Variants in TUT1 observed in about 807,000 individuals in gnomAD.
TUT1 encodes the protein terminal uridylyl transferase 1, U6 snRNA-specific, also known as speckle targeted PIP5K1A-regulated poly(A) polymerase.
Under a neutral mutation model 48.8 loss-of-function variants are expected in TUT1, and 26 were observed. That is an observed-to-expected ratio of 0.53 (90% CI 0.39 to 0.74). The LOEUF (loss-of-function observed/expected upper bound fraction) is 0.74, where lower values mean the gene tolerates loss of function less well. Ranked by LOEUF, TUT1 falls within the 30% of genes least tolerant of loss-of-function variation. The pLI is 0.00. For missense variants in TUT1, 1,065 were observed against 1,114.8 expected, an observed-to-expected ratio of 0.96 and a Z score of 0.64; for synonymous variants, 470 against 460.8, an observed-to-expected ratio of 1.02 and a Z score of -0.26.
At position 62,577,290 on chromosome 11, in the gene TUT1, G is replaced by A; in HGVS notation, c.1162C>T (p.Leu388=). Residue 388 remains leucine, a splice_region_variant and synonymous_variant, in exon 6 of 9, where the codon CTG becomes TTG. Coordinates refer to ENST00000476907, the MANE Select transcript of TUT1 (RefSeq NM_022830.3). The part of the protein sequence containing the change: ...LHGDVSLSNR[L]ALHNSRFLSL... ...AGGAAACGGGAGTTATGCAGGGCCA[G>A]CCTGGGACAAAGCAGGGACAAGGGT... 2.5e-6 allele frequency: 4 copies of A among 1,611,616 alleles called. No individual in the cohort carries two copies. Among genetic ancestry groups the A allele is most frequent in the Non-Finnish European group, 3.4e-6 (4 of 1,179,166 alleles).
intron 1 of TUT1, 56 bp downstream of exon 1, chr11:62,591,348 G>GTA: frequency 6.7e-7 from 1 of 1,497,322 alleles, no homozygotes; most frequent in Non-Finnish European, 8.9e-7. Flanking sequence ...CTTTCGCCAG[G>GTA]ATCAAAAGAC....
chr11:62,581,130 A>C lies in TUT1; in HGVS notation c.666T>G (p.Asp222Glu), dbSNP rs890725000. ...VHGCDLDLFL[D>E]LGDLEEPQPV... Reference sequence around the variant, plus strand: ...CCTGGGGCTCTTCCAAGTCACCCAGATCCAAGAAGAGGTCAAGATCACAGC... The same window carrying C: ...CCTGGGGCTCTTCCAAGTCACCCAGCTCCAAGAAGAGGTCAAGATCACAGC... Residue 222 changes from aspartate (D) to glutamate (E), a missense_variant, in exon 4 of 9, where the codon GAT becomes GAG. Asp to Glu is a conservative substitution (Grantham distance 45). Coordinates refer to ENST00000476907, the MANE Select transcript of TUT1 (RefSeq NM_022830.3). The C allele has an allele frequency of 2.5e-6, 4 of 1,614,030 alleles. No homozygotes were observed. The highest frequency in any genetic ancestry group is 3.4e-6 in the Non-Finnish European group (4 of 1,180,020).
chr11:62,575,974 C>T lies in TUT1; in HGVS notation c.1745G>A (p.Arg582His), dbSNP rs375204996. 12 of 1,613,952 alleles carry T rather than the reference C, an allele frequency of 7.4e-6. No homozygotes were observed. The highest frequency in any genetic ancestry group is 3.3e-4 in the Middle Eastern group (2 of 6,078). Residue 582 changes from arginine to histidine, a missense_variant, in exon 9 of 9, where the codon CGT becomes CAT. Transcript: ENST00000476907. ...NYCRSLQYQRRSSRGRDWGLL... is the reference protein window; with the variant it reads ...NYCRSLQYQRHSSRGRDWGLL... ...CCCCCAGTCCCGACCCCGGGAGGAA[C>T]GGCGCTGGTACTGGAGGCTTCGGCA... is the stretch of plus-strand genomic sequence containing the variant.
At chr11:62,591,200 G>A (rs1942006910) in intron 1 of TUT1, 1 of 590,534 alleles carries the variant, frequency 1.7e-6, no homozygotes, top group Admixed American at 6.3e-5. Flanking sequence ...TTGCGTTGTG[G>A]AGATTTCATA....
At chr11:62,591,046 A>G (rs1942003699) in intron 1 of TUT1, among the ~76,000 whole-genome samples, 1 of 152,074 alleles carries the variant, frequency 6.6e-6, no homozygotes, top group Admixed American at 6.6e-5. Flanking sequence ...ACATATCTAT[A>G]AAGCATTGAA....
chr11:62,577,018 C>T lies in TUT1; in HGVS notation c.1271-1G>A, dbSNP rs1347490181. Reference sequence around the variant, plus strand: ...TAGTTACTGAGAAGGGGGCCACTCCCTGGGTAAATAAGCAATAATTCCGGT... The same window carrying T: ...TAGTTACTGAGAAGGGGGCCACTCCTTGGGTAAATAAGCAATAATTCCGGT... On this transcript the variant is annotated splice_acceptor_variant, in intron 6 of 8. Transcript: ENST00000476907. LOFTEE classifies it high-confidence loss of function. The T allele has an allele frequency of 6.2e-7, 1 of 1,613,676 alleles. No homozygotes were observed. Among genetic ancestry groups the T allele is most frequent in the Admixed American group, 1.7e-5 (1 of 60,008 alleles).
chr11:62,590,570 G>A (rs1941993603), intron 1 of TUT1, among the ~76,000 whole-genome samples: 1 of 151,884 alleles, frequency 6.6e-6, no homozygotes, highest in African/African-American at 2.4e-5. Context: ...CCAGGAGGTG[G>A]AGCTTGCAGT....
rs1565041236 is a variant in TUT1 at position 62,591,478 on chromosome 11, G to A, written c.8C>T (p.Ala3Val). The change falls in exon 1 of 9, where the codon GCG becomes GTG. Residue 3 changes from alanine to valine, a missense_variant. By Grantham distance (64) the Ala-to-Val change is moderately conservative. Transcript: ENST00000476907. Reference sequence around the variant, plus strand: ...CAGCGATTCGACATCCGAATCCACCGCCGCCATAGCGACTCTCCTGTACCG... The same window carrying A: ...CAGCGATTCGACATCCGAATCCACCACCGCCATAGCGACTCTCCTGTACCG... MA[A>V]VDSDVESLPR... 2.5e-6 allele frequency: 4 copies of A among 1,610,642 alleles called. No homozygotes were observed. The South Asian group carries it at 3.3e-5, about 13-fold the overall frequency.
At chr11:62,590,273 G>A (rs1484551800) in intron 1 of TUT1, among the ~76,000 whole-genome samples, 2 of 152,180 alleles carry the variant, frequency 1.3e-5, no homozygotes, top group Non-Finnish European at 2.9e-5. Flanking sequence ...TGGGAAGATC[G>A]CTTGAGGCCA....
At position 62,575,204 on chromosome 11, in the gene TUT1, C is replaced by G. The variant is rs1421917480; in HGVS notation, c.2515G>C (p.Ala839Pro). The change falls in exon 9 of 9, where the codon GCT becomes CCT. Residue 839 changes from alanine (A) to proline (P), a missense_variant. Transcript: ENST00000476907. ...LLSFVASVSPADRMLTVTPLQ... is the reference protein window; with the variant it reads ...LLSFVASVSPPDRMLTVTPLQ... ...GGGGTCACAGTGAGCATTCGGTCAG[C>G]CGGGGAGACAGACGCCACAAAGCTC... The G allele has an allele frequency of 9.3e-6, 15 of 1,613,078 alleles. No homozygotes were observed. The highest frequency in any genetic ancestry group is 3.3e-5 in the Admixed American group (2 of 59,984).
Position 62,576,726 on chromosome 11 carries a change from C to A in TUT1, c.1405G>T (p.Asp469Tyr), listed in dbSNP as rs768206461. The A allele has an allele frequency of 8.1e-6, 13 of 1,614,048 alleles. No individual in the cohort carries two copies. Among genetic ancestry groups the A allele is most frequent in the Non-Finnish European group, 1.1e-5 (13 of 1,180,030 alleles). The stretch of plus-strand genomic sequence containing the variant: ...CTGGGGAAACTGCAGTCCCAGCCAT[C>A]GACTTCCACCTGTTCCCCCTCTCCT... Reference protein sequence around the residue: ...KAGEGEQVEVDGWDCSFPRDA... With the variant: ...KAGEGEQVEVYGWDCSFPRDA... The change falls in exon 8 of 9, where the codon GAT (aspartate) becomes TAT (tyrosine). Residue 469 changes from aspartate (D) to tyrosine (Y), a missense_variant. By Grantham distance (160) the Asp-to-Tyr change is radical. Transcript: ENST00000476907.
rs750493473 is a variant in TUT1 at position 62,589,164 on chromosome 11, C to G, written c.140G>C (p.Arg47Pro). Residue 47 changes from arginine to proline, a missense_variant, in exon 2 of 9, where the codon CGA becomes CCA. By Grantham distance (103) the Arg-to-Pro change is moderately radical. Transcript: ENST00000476907. ...GRKHRHLVEL[R>P]AARKAQGLRS... ...AAGTCCCTGGGCCTTTCTCGCAGCT[C>G]GTAGTTCTACCAGGTGCCGGTGCTT... 1 of 1,614,236 alleles carries G rather than the reference C, an allele frequency of 6.2e-7. No homozygotes were observed. Among genetic ancestry groups the G allele is most frequent in the South Asian group, 1.1e-5 (1 of 91,084 alleles).
intron 2 of TUT1, among the ~76,000 whole-genome samples, chr11:62,584,497 A>G (rs1438066585): frequency 1.4e-5 from 2 of 146,470 alleles, no homozygotes; most frequent in Non-Finnish European, 3.0e-5. Context: ...GCTGGAGTGC[A>G]GTGGCACGAT....
intron 5 of TUT1, 97 bp from the exon 6 acceptor site, chr11:62,577,388 G>C (rs1941747123): frequency 3.3e-6 from 3 of 917,804 alleles, no homozygotes; most frequent in Non-Finnish European, 5.1e-6. Context: ...GAGCCAGCTG[G>C]AATAAGGCCA....
chr11:62,583,222 C>T (rs947503861), intron 2 of TUT1, among the ~76,000 whole-genome samples: 3 of 151,778 alleles, frequency 2.0e-5, no homozygotes, highest in East Asian at 1.9e-4. Flanking sequence ...AACTCACTAT[C>T]TAGGAATAAC....
At chr11:62,589,977 A>G (rs1300867027) in intron 1 of TUT1, among the ~76,000 whole-genome samples, 1 of 152,260 alleles carries the variant, frequency 6.6e-6, no homozygotes, top group Non-Finnish European at 1.5e-5. Flanking sequence ...TTATTCAGAT[A>G]TATCACTTGG....
rs1285842184 is a variant in TUT1 at position 62,576,136 on chromosome 11, G to T, written c.1583C>A (p.Ser528Tyr). 6.2e-7 allele frequency: 1 copy of T among 1,613,866 alleles called. No homozygotes were observed. The highest frequency in any genetic ancestry group is 8.5e-7 in the Non-Finnish European group (1 of 1,179,966). Residue 528 changes from serine (S) to tyrosine (Y), a missense_variant, in exon 9 of 9, where the codon TCT becomes TAT. Coordinates refer to ENST00000476907, the MANE Select transcript of TUT1 (RefSeq NM_022830.3). ...AAGGCGCAGACCCTCCCAGAGATTA[G>T]AAGGCAGGCCCCCTGCCACAGGCAG... ...QALPVAGGLP[S>Y]NLWEGLRLGP...
Position 62,578,983 on chromosome 11 carries a change from A to G in TUT1, c.738T>C (p.Ala246=). 30 of 1,519,720 alleles carry G rather than the reference A, an allele frequency of 2.0e-5. No homozygotes were observed. Among genetic ancestry groups the G allele is most frequent in the Non-Finnish European group, 2.6e-5 (29 of 1,135,550 alleles). 94.1% of individuals were successfully genotyped at this position (1,519,720 alleles called of 1,614,324 possible). The part of the protein sequence containing the change: ...PESPSLDSAL[A]SPLDPQALAC... ...CCAGGGCTTGAGGGTCCAGTGGGGA[A>G]GCCAGGGCCGAGTCCAGCGATGGAG... The change falls in exon 5 of 9, where the codon GCT becomes GCC. Residue 246 remains alanine (A), a synonymous_variant. Coordinates refer to ENST00000476907, the MANE Select transcript of TUT1 (RefSeq NM_022830.3).
At chr11:62,591,259 T>C (rs191223522) in intron 1 of TUT1, 145 bp downstream of exon 1, 19 of 1,365,048 alleles carry the variant, frequency 1.4e-5, no homozygotes, top group African/African-American at 1.0e-4. Flanking sequence ...CCAAATCCCC[T>C]CGGACTTGCA....
Sources: allele counts gnomAD v4.1 joint callset (sites outside exome capture counted in the v4.1 genomes callset), GRCh38; gene constraint gnomAD v4.1.1; transcripts MANE v1.5; gene names NCBI Gene and HGNC (gene_info 2026-07-23, HGNC 2026-07-21).